Variants in AUTS2 observed in about 807,000 individuals in gnomAD.
AUTS2 encodes activator of transcription and developmental regulator AUTS2.
In AUTS2, 17 loss-of-function variants were observed where a neutral mutation model predicts 112.4. That is an observed-to-expected ratio of 0.15 (90% confidence interval 0.10 to 0.23). The LOEUF is 0.23. AUTS2 is among the 10% of genes least tolerant of loss of function. The probability of loss-of-function intolerance (pLI) is 1.00; values close to 1 mark genes in which losing one functional copy is unlikely to be tolerated. For synonymous variants in AUTS2, 751 were observed against 702.7 expected, an observed-to-expected ratio of 1.07 and a Z score of -1.09; for missense variants, 1,510 against 1,701.6, an observed-to-expected ratio of 0.89 and a Z score of 1.98.
rs566960525 is a variant in AUTS2 at position 70,214,088 on chromosome 7, G to A, written c.660+79517G>A. On this transcript the variant is annotated intron_variant, in intron 4 of 18. Coordinates refer to ENST00000342771, the MANE Select transcript of AUTS2 (RefSeq NM_015570.4). ...ATATTTCTAAGGTCTTAGAAATGGG[G>A]AGCTAGGTTTTTCAGACAATATACT... Among the ~76,000 whole-genome samples, 17 of 152,234 alleles carry A rather than the reference G, an allele frequency of 1.1e-4. No individual in the cohort carries two copies. The South Asian group carries it at 3.1e-3, about 28-fold the overall frequency.
At chr7:70,588,333 C>T (rs1802779395) in intron 5 of AUTS2, among the ~76,000 whole-genome samples, 1 of 152,182 alleles carries the variant, frequency 6.6e-6, no homozygotes, top group Non-Finnish European at 1.5e-5. Flanking sequence ...CAGACTCTTT[C>T]CTGCCCTGGA....
At chr7:70,365,344 C>T (rs937499978) in intron 4 of AUTS2, among the ~76,000 whole-genome samples, 1 of 152,174 alleles carries the variant, frequency 6.6e-6, no homozygotes, top group Non-Finnish European at 1.5e-5. Flanking sequence ...GGAACCAATA[C>T]ATGTGGTCAA....
chr7:70,134,658 A>G, intron 4 of AUTS2, 87 bp downstream of exon 4: 1 of 1,252,128 alleles, frequency 8.0e-7, no homozygotes, highest in Non-Finnish European at 1.2e-6. Flanking sequence ...ATGAAAAAAA[A>G]TCTGAGAATT....
intron 4 of AUTS2, among the ~76,000 whole-genome samples, chr7:70,250,510 C>T (rs954099437): frequency 5.3e-5 from 8 of 152,202 alleles, no homozygotes; most frequent in South Asian, 2.1e-4. Context: ...ATATATACCA[C>T]GCTGTTCTCA....
intron 1 of AUTS2, among the ~76,000 whole-genome samples, chr7:69,843,048 G>A (rs553473399): frequency 7.2e-5 from 11 of 152,250 alleles, no homozygotes; most frequent in South Asian, 2.1e-4. Flanking sequence ...GGCAGTGTGG[G>A]CAAAGGGCTG....
chr7:69,906,518 C>G (rs1795154257), intron 2 of AUTS2, among the ~76,000 whole-genome samples: 2 of 152,164 alleles, frequency 1.3e-5, no homozygotes, highest in South Asian at 4.1e-4. Context: ...TCACAATGTG[C>G]TATTTACAGT....
chr7:69,806,504 CT>C (rs1431581130), intron 1 of AUTS2, among the ~76,000 whole-genome samples: 2 of 151,556 alleles, frequency 1.3e-5, no homozygotes, highest in African/African-American at 4.9e-5. Context: ...GCTCACTCCA[CT>C]GTCCAGGCTG....
chr7:70,534,907 GA>G (rs954680908), intron 5 of AUTS2, among the ~76,000 whole-genome samples: 215 of 150,446 alleles, frequency 1.4e-3, no homozygotes, highest in East Asian at 4.1e-3. Context: ...ACGAACTGGT[GA>G]AAAAAAAATG....
chr7:69,622,381 A>C lies in AUTS2; in HGVS notation c.309+22419A>C, dbSNP rs549878767. On this transcript the variant is annotated intron_variant, in intron 1 of 18. Transcript: ENST00000342771. ...GAGGGAATATACATTTGAAACAGGA[A>C]ATGTGGATTGGATTTACCCTTTCAA... 2.6e-5 allele frequency among the ~76,000 whole-genome samples: 4 copies of C among 152,184 alleles called. No individual in the cohort carries two copies. The South Asian group carries it at 6.2e-4, about 24-fold the overall frequency.
chr7:70,223,185 C>T (rs551757126), intron 4 of AUTS2, among the ~76,000 whole-genome samples: 11 of 152,240 alleles, frequency 7.2e-5, no homozygotes, highest in Admixed American at 3.9e-4. Flanking sequence ...CTGCGCCTGG[C>T]TGAAATTTGC....
intron 4 of AUTS2, among the ~76,000 whole-genome samples, chr7:70,303,434 G>GCGCGCACACACACACACACA (rs1241517255): frequency 3.3e-4 from 47 of 142,050 alleles, no homozygotes; most frequent in Non-Finnish European, 5.3e-4. Flanking sequence ...GCGCGCGCGC[G>GCGCGCACACACACACACACA]CACATACACA....
chr7:70,660,946 C>G (rs929133065), intron 5 of AUTS2, among the ~76,000 whole-genome samples: 1 of 152,192 alleles, frequency 6.6e-6, no homozygotes, highest in African/African-American at 2.4e-5. Flanking sequence ...GCAGATGGAA[C>G]CTTCTCAGCT....
chr7:69,918,450 A>G (rs183746699), intron 2 of AUTS2, among the ~76,000 whole-genome samples: 223 of 152,292 alleles, frequency 1.5e-3, no homozygotes, highest in African/African-American at 5.2e-3. Context: ...GTTACGAGGT[A>G]ACTTTGCTTA....
chr7:70,318,605 T>C (rs1414891829), intron 4 of AUTS2, among the ~76,000 whole-genome samples: 1 of 152,214 alleles, frequency 6.6e-6, no homozygotes, highest in Non-Finnish European at 1.5e-5. Flanking sequence ...TGCCCCATGC[T>C]GTTAATTCTT....
At chr7:69,917,983 C>G (rs1472259286) in intron 2 of AUTS2, among the ~76,000 whole-genome samples, 1 of 152,066 alleles carries the variant, frequency 6.6e-6, no homozygotes, top group Admixed American at 6.6e-5. Context: ...GCTGGGACTA[C>G]AGGTGCCCGC....
intron 2 of AUTS2, among the ~76,000 whole-genome samples, chr7:70,018,674 A>T (rs892469926): frequency 1.5e-4 from 23 of 152,232 alleles, no homozygotes; most frequent in African/African-American, 5.5e-4. Flanking sequence ...TTATAAGCTA[A>T]TGTAAAAGGA....
At chr7:69,600,351 T>C (rs1176564820) in intron 1 of AUTS2, among the ~76,000 whole-genome samples, 1 of 151,856 alleles carries the variant, frequency 6.6e-6, no homozygotes, top group African/African-American at 2.4e-5. Context: ...GAAGTCTCTT[T>C]GCTGGGTTTG....
chr7:70,439,617 G>C (rs543232563), intron 5 of AUTS2, among the ~76,000 whole-genome samples: 1 of 152,040 alleles, frequency 6.6e-6, no homozygotes, highest in South Asian at 2.1e-4. Flanking sequence ...CTTAGATGTG[G>C]GATTGTTCTT....
At position 70,567,242 on chromosome 7, in the gene AUTS2, A is replaced by G. The variant is rs577722868; in HGVS notation, c.691-131327A>G. ...ATGTCTCCAGTGACCTGAAATGGGC[A>G]CACCTCATGAATGTTGAATGTTCTT... On this transcript the variant is annotated intron_variant, in intron 5 of 18. Transcript: ENST00000342771. 2.0e-5 allele frequency among the ~76,000 whole-genome samples: 3 copies of G among 152,374 alleles called. No homozygotes were observed. The South Asian group carries it at 6.2e-4, about 32-fold the overall frequency.
Sources: allele counts gnomAD v4.1 joint callset (sites outside exome capture counted in the v4.1 genomes callset), GRCh38; gene constraint gnomAD v4.1.1; transcripts MANE v1.5; gene names NCBI Gene and HGNC (gene_info 2026-07-23, HGNC 2026-07-21).